Variants in N4BP2 observed in about 807,000 individuals in gnomAD.
N4BP2 encodes the protein NEDD4-binding protein 2.
A neutral mutation model predicts 152.8 loss-of-function variants in N4BP2; 91 were observed. The ratio of observed to expected loss-of-function variants is 0.60; its 90% confidence interval spans 0.50 to 0.71. The LOEUF is 0.71. N4BP2 is among the 30% of genes least tolerant of loss of function. The pLI is 0.00. For synonymous variants in N4BP2, 646 were observed against 705.3 expected (o/e 0.92, Z 1.33); for missense variants, 1,923 against 2,059.1 (o/e 0.93, Z 1.28).
intron 1 of N4BP2, among the ~76,000 whole-genome samples, chr4:40,066,963 A>G (rs1711580224): frequency 6.6e-6 from 1 of 150,496 alleles, no homozygotes; most frequent in Non-Finnish European, 1.5e-5. Context: ...GCTTTTTGTC[A>G]TTGTTATTGC....
At chr4:40,158,984 A>G (rs1038000590), downstream of N4BP2, among the ~76,000 whole-genome samples, 4 of 152,198 alleles carry the variant, frequency 2.6e-5, no homozygotes, top group Non-Finnish European at 5.9e-5. Flanking sequence ...ATCAACTCCT[A>G]TGTATATAGT....
chr4:40,063,722 C>A (rs1300258729), intron 1 of N4BP2, among the ~76,000 whole-genome samples: 1 of 151,956 alleles, frequency 6.6e-6, no homozygotes, highest in Non-Finnish European at 1.5e-5. Context: ...CGGCTTACTA[C>A]AACCTCCACC....
chr4:40,099,615 G>A (rs899700430), intron 3 of N4BP2, among the ~76,000 whole-genome samples: 1 of 152,010 alleles, frequency 6.6e-6, no homozygotes, highest in Admixed American at 6.6e-5. Flanking sequence ...TTAATAAAGA[G>A]GAATGTTGAA....
intron 13 of N4BP2, among the ~76,000 whole-genome samples, chr4:40,133,907 G>A (rs1719125205): frequency 6.6e-6 from 1 of 152,116 alleles, no homozygotes; most frequent in South Asian, 2.1e-4. Flanking sequence ...CTAAGCTCAA[G>A]TGATCCTCCC....
At chr4:40,171,033 G>A in the N4BP2 span, among the ~76,000 whole-genome samples, 1 of 152,214 alleles carries the variant, frequency 6.6e-6, no homozygotes, top group Non-Finnish European at 1.5e-5. Flanking sequence ...TTCAGCAAAA[G>A]CAGATTGGTG....
At chr4:40,171,837 A>C in the N4BP2 span, among the ~76,000 whole-genome samples, 1 of 152,166 alleles carries the variant, frequency 6.6e-6, no homozygotes, top group Admixed American at 6.5e-5. Context: ...GAGCTGATGG[A>C]TGTGGAGTCT....
intron 1 of N4BP2, among the ~76,000 whole-genome samples, chr4:40,070,652 T>C (rs1712063406): frequency 6.6e-6 from 1 of 152,068 alleles, no homozygotes; most frequent in Non-Finnish European, 1.5e-5. Flanking sequence ...GGTCTTGCCA[T>C]GTTGCCCAGG....
At chr4:40,177,542 G>A in the N4BP2 span, among the ~76,000 whole-genome samples, 76 of 152,192 alleles carry the variant, frequency 5.0e-4, no homozygotes, top group Non-Finnish European at 8.2e-4. Context: ...CTTAAACCCC[G>A]GAGGCAGAGA....
In N4BP2 at chr4:40,095,778, G is replaced by A. The variant is rs185304457; in HGVS notation, c.-114-1449G>A. Among the ~76,000 whole-genome samples the A allele has an allele frequency of 4.7e-3, 709 of 152,218 alleles. 5 individuals are homozygous for A. Among genetic ancestry groups the A allele is most frequent in the Non-Finnish European group, 4.9e-3 (335 of 68,000 alleles). On this transcript the variant is annotated intron_variant, in intron 2 of 17. Coordinates refer to ENST00000261435, the MANE Select transcript of N4BP2 (RefSeq NM_018177.6). ...ATTTGAAGGAGTACAGGAGTTAGCC[G>A]TGCAGATATCTTGAGGAAGAGTATA...
the N4BP2 span, among the ~76,000 whole-genome samples, chr4:40,185,751 A>G: frequency 1.3e-5 from 2 of 152,206 alleles, no homozygotes; most frequent in African/African-American, 2.4e-5. Context: ...GTACTCATTT[A>G]GGAGAAATTA....
rs565817106 is a variant in N4BP2 at position 40,127,204 on chromosome 4, T to C, written c.4527+874T>C. 1.4e-4 allele frequency among the ~76,000 whole-genome samples: 22 copies of C among 151,962 alleles called. No homozygotes were observed. In the South Asian group the frequency reaches 4.0e-3, roughly 27 times the overall value. On this transcript the variant is annotated intron_variant, in intron 12 of 17. Transcript: ENST00000261435. ...GTGCCTGACCGGCTGCATCTTCTTC[T>C]TCTTTTTTTCTTTTTTTTAATTTTA...
the N4BP2 span, among the ~76,000 whole-genome samples, chr4:40,182,999 A>C: frequency 0.11 from 16,572 of 152,170 alleles, 1,330 homozygotes; most frequent in East Asian, 0.43. Context: ...TTTTAATATA[A>C]AAATTGTGTA....
At chr4:40,175,480 A>G in the N4BP2 span, among the ~76,000 whole-genome samples, 1 of 152,142 alleles carries the variant, frequency 6.6e-6, no homozygotes, top group East Asian at 1.9e-4. Flanking sequence ...TGGAGATCTG[A>G]TGCAAAACAT....
the N4BP2 span, among the ~76,000 whole-genome samples, chr4:40,170,602 G>T: frequency 6.6e-6 from 1 of 152,242 alleles, no homozygotes; most frequent in Admixed American, 6.5e-5. Flanking sequence ...TGGTGCCACT[G>T]AACTCCATCC....
the N4BP2 span, among the ~76,000 whole-genome samples, chr4:40,171,595 A>T: frequency 6.6e-6 from 1 of 152,186 alleles, no homozygotes; most frequent in Non-Finnish European, 1.5e-5. Flanking sequence ...TCTTTACAGA[A>T]GTAATCTAGT....
rs532236982 is a variant in N4BP2 at position 40,062,934 on chromosome 4, G to A, written c.-212+5904G>A. Among the ~76,000 whole-genome samples the A allele has an allele frequency of 1.8e-4, 28 of 152,210 alleles. No homozygotes were observed. The South Asian group carries it at 5.6e-3, about 30-fold the overall frequency. On this transcript the variant is annotated intron_variant, in intron 1 of 17. Transcript: ENST00000261435. ...TTACATTGTGATTGCTTGCTTATTT[G>A]TCATCTCACCACATAGCGGTAAATG...
At chr4:40,173,424 T>C in the N4BP2 span, among the ~76,000 whole-genome samples, 2,877 of 152,196 alleles carry the variant, frequency 0.019, 36 homozygotes, top group Non-Finnish European at 0.028. Context: ...ATTTACACAA[T>C]AGCAGGAAAG....
intron 16 of N4BP2, among the ~76,000 whole-genome samples, chr4:40,145,884 C>G (rs770438200): frequency 6.6e-6 from 1 of 151,924 alleles, no homozygotes; most frequent in Admixed American, 6.6e-5. Context: ...AAGTTGTGGC[C>G]GGGTGCGGTG....
intron 2 of N4BP2, among the ~76,000 whole-genome samples, chr4:40,076,197 C>T (rs1435233994): frequency 6.6e-6 from 1 of 152,030 alleles, no homozygotes; most frequent in African/African-American, 2.4e-5. Context: ...ATTTTTTGGC[C>T]AGGTGCGGTG....
Sources: gnomAD v4.1 joint callset for allele counts (sites outside exome capture counted in the v4.1 genomes callset) on GRCh38, gnomAD v4.1.1 for gene constraint, MANE v1.5 for transcripts, NCBI Gene and HGNC (gene_info 2026-07-23, HGNC 2026-07-21) for gene names.